Variants in CASZ1 observed in about 807,000 individuals in gnomAD.
CASZ1 encodes the protein castor zinc finger 1.
In CASZ1, 28 loss-of-function variants were observed where a neutral mutation model predicts 135.2. That is an observed-to-expected ratio of 0.21 (90% confidence interval 0.15 to 0.28). CASZ1 has a LOEUF of 0.28. Among genes scored for constraint, CASZ1 ranks in the 10% least tolerant of loss-of-function variants. The probability of loss-of-function intolerance (pLI) is 1.00; values close to 1 mark genes in which losing one functional copy is unlikely to be tolerated. For synonymous variants in CASZ1, 1,068 were observed against 1,073.4 expected (o/e 0.99, Z 0.10); for missense variants, 2,161 against 2,453.3 (o/e 0.88, Z 2.52).
intron 5 of CASZ1, chr1:10,660,921 G>T (rs887116466): frequency 8.2e-6 from 2 of 243,138 alleles, no homozygotes; most frequent in Admixed American, 1.0e-4. Flanking sequence ...TCCCAGGACA[G>T]GGAGCGGCAA....
At chr1:10,693,374 G>A (rs1390906360) in intron 4 of CASZ1, among the ~76,000 whole-genome samples, 3 of 151,174 alleles carry the variant, frequency 2.0e-5, no homozygotes, top group African/African-American at 4.9e-5. Flanking sequence ...TGAGACAGTC[G>A]CCCCGAAACC....
At chr1:10,678,993 C>T (rs1308940540) in intron 4 of CASZ1, among the ~76,000 whole-genome samples, 4 of 152,142 alleles carry the variant, frequency 2.6e-5, no homozygotes, top group South Asian at 2.1e-4. Context: ...CCCGTCTGCC[C>T]GCCCGCTGTG....
chr1:10,766,624 G>T (rs1330248861), intron 1 of CASZ1, among the ~76,000 whole-genome samples: 1 of 152,174 alleles, frequency 6.6e-6, no homozygotes, highest in East Asian at 1.9e-4. Flanking sequence ...GCCCCACAAA[G>T]CAGGTGCTGT....
At chr1:10,648,413 C>T (rs1194235303) in intron 15 of CASZ1, 7 of 393,898 alleles carry the variant, frequency 1.8e-5, no homozygotes, top group Non-Finnish European at 2.7e-5. Flanking sequence ...ATATGTGTGA[C>T]AGCAGGCCCT....
chr1:10,639,918 C>T lies in CASZ1; in HGVS notation c.4304G>A (p.Arg1435Gln), dbSNP rs752733658. The T allele has an allele frequency of 2.5e-6, 4 of 1,612,790 alleles. No individual in the cohort carries two copies. Among genetic ancestry groups the T allele is most frequent in the African/African-American group, 1.3e-5 (1 of 74,950 alleles). The stretch of plus-strand genomic sequence containing the variant: ...GCAGTCCTCGTAAAGGTCGAAGCGC[C>T]GGAAGCCCTCCAGCATCATGCCCTC... ...LDEGMMLEGFRRFDLYEDCKD... is the reference protein window; with the variant it reads ...LDEGMMLEGFQRFDLYEDCKD... Residue 1435 changes from arginine to glutamine, a missense_variant, in exon 21 of 21, where the codon CGG (arginine) becomes CAG (glutamine). Coordinates refer to ENST00000377022, the MANE Select transcript of CASZ1 (RefSeq NM_001079843.3). This position sits in a 1 kb window ranked among gnomAD's most constrained non-coding sequence, Gnocchi z 4.0.
chr1:10,728,761 G>C (rs999408433), intron 2 of CASZ1, among the ~76,000 whole-genome samples: 1 of 152,038 alleles, frequency 6.6e-6, no homozygotes, highest in Non-Finnish European at 1.5e-5. Flanking sequence ...CACATGAGAG[G>C]GGGGACAGCT....
chr1:10,783,397 T>C (rs1046834657), intron 1 of CASZ1, among the ~76,000 whole-genome samples: 1 of 149,242 alleles, frequency 6.7e-6, no homozygotes, highest in African/African-American at 2.6e-5. Context: ...GTCTTCCTTT[T>C]GCCCAAAGAA....
intron 4 of CASZ1, among the ~76,000 whole-genome samples, chr1:10,686,908 G>A (rs866687182): frequency 6.6e-5 from 10 of 152,194 alleles, no homozygotes; most frequent in African/African-American, 2.4e-5. Context: ...ACCCCCTGCC[G>A]GGCAGTGGAG....
In CASZ1 at chr1:10,739,339, G is replaced by A. The variant is rs563798122; in HGVS notation, c.-77+21362C>T. 9.2e-5 allele frequency among the ~76,000 whole-genome samples: 14 copies of A among 152,112 alleles called. No individual in the cohort carries two copies. Among genetic ancestry groups the A allele is most frequent in the Admixed American group, 1.3e-4 (2 of 15,278 alleles). On this transcript the variant is annotated intron_variant, in intron 2 of 20. Transcript: ENST00000377022. This position sits in a 1 kb window ranked among gnomAD's most constrained non-coding sequence, Gnocchi z 4.8. ...CATGTGCCACTCTGTGAGTGTCACC[G>A]CGAGGGAAACCCTCCCAGGGGCCCG... is the stretch of plus-strand genomic sequence containing the variant.
intron 2 of CASZ1, among the ~76,000 whole-genome samples, chr1:10,740,224 C>T (rs1311861082): frequency 6.6e-6 from 1 of 152,178 alleles, no homozygotes; most frequent in Non-Finnish European, 1.5e-5. Context: ...GGCTCAGTGT[C>T]GAGGCAAGGC....
At chr1:10,660,621 A>G (rs1642991431) in intron 5 of CASZ1, 85 bp from the exon 6 acceptor site, 1 of 1,106,072 alleles carries the variant, frequency 9.0e-7, no homozygotes, top group East Asian at 2.5e-5. Flanking sequence ...CCACCCATAG[A>G]GGGAGGGGGT....
chr1:10,664,752 G>A (rs1205082975), intron 5 of CASZ1, among the ~76,000 whole-genome samples: 1 of 152,030 alleles, frequency 6.6e-6, no homozygotes, highest in Non-Finnish European at 1.5e-5. Flanking sequence ...AGAGTCACCT[G>A]CCCACCATCT....
At chr1:10,740,760 G>A (rs1408352186) in intron 2 of CASZ1, among the ~76,000 whole-genome samples, 1 of 152,078 alleles carries the variant, frequency 6.6e-6, no homozygotes, top group East Asian at 1.9e-4. Flanking sequence ...ACCAGCCTGG[G>A]CAATACAGTG....
Position 10,694,383 on chromosome 1 carries a change from C to T in CASZ1, c.-23-471G>A. 2.0e-6 allele frequency: 2 copies of T among 1,023,370 alleles called. No homozygotes were observed. Among genetic ancestry groups the T allele is most frequent in the Non-Finnish European group, 2.5e-6 (2 of 805,730 alleles). The allele number at this position is 1,023,370 out of a possible 1,614,324, so 63.4% of individuals were successfully genotyped here. A position where few individuals can be genotyped will look rare whatever the true frequency, so the allele number is the denominator to read the frequency against. ...ATGCCTAATTGCAACTGATTACTCC[C>T]CGAATAACAAGTTGTTTTAAAGCCC... On this transcript the variant is annotated intron_variant, in intron 3 of 20. Transcript: ENST00000377022. This position sits in a 1 kb window ranked among gnomAD's most constrained non-coding sequence, Gnocchi z 6.6.
rs1173943418 is a variant in CASZ1 at position 10,699,980 on chromosome 1, AAG to A, written c.-24+5510_-24+5511del. On this transcript the variant is annotated intron_variant, in intron 3 of 20. Coordinates refer to ENST00000377022, the MANE Select transcript of CASZ1 (RefSeq NM_001079843.3). The surrounding 1 kb of genome is among the most constrained non-coding windows in gnomAD (Gnocchi z 4.6). ...AGAGAAGCAGAGACAGAGAGAGAGA[AAG>A]AGAGACAGGCAGAGAGAGAGAGAGA... 6.6e-6 allele frequency among the ~76,000 whole-genome samples: 1 copy of A among 151,312 alleles called. No individual in the cohort carries two copies. The highest frequency in any genetic ancestry group is 2.4e-5 in the African/African-American group (1 of 41,172).
intron 1 of CASZ1, among the ~76,000 whole-genome samples, chr1:10,793,731 CGGG>C (rs554222744): frequency 1.7e-5 from 2 of 121,202 alleles, no homozygotes; most frequent in African/African-American, 6.6e-5. Context: ...GGCGGGGGGG[CGGG>C]GCGGCGATCT....
rs752009704 is a variant in CASZ1, at chr1:10,653,661, G to A, written c.2396C>T (p.Thr799Met). The part of the protein sequence containing the change: ...ALSNSGLPTP[T>M]PYFPILAGRG... ...GCCAGCCAGTATGGGGAAGTAGGGCGTGGGGGTGGGCAGGCCCGAGTTGGA... is the reference window on the plus strand; with the variant it reads ...GCCAGCCAGTATGGGGAAGTAGGGCATGGGGGTGGGCAGGCCCGAGTTGGA... Residue 799 changes from threonine (T) to methionine (M), a missense_variant, in exon 11 of 21, where the codon ACG (threonine) becomes ATG (methionine). This residue lies in a region of CASZ1 where 406 missense variants were observed against 387.6 expected (regional missense o/e 1.05). Coordinates refer to ENST00000377022, the MANE Select transcript of CASZ1 (RefSeq NM_001079843.3). The A allele has an allele frequency of 3.0e-5, 47 of 1,556,366 alleles. No individual in the cohort carries two copies. Among genetic ancestry groups the A allele is most frequent in the East Asian group, 4.5e-5 (2 of 44,382 alleles).
At chr1:10,645,252 C>T (rs1159001181) in intron 17 of CASZ1, among the ~76,000 whole-genome samples, 164 bp from the exon 18 acceptor site, 3 of 152,210 alleles carry the variant, frequency 2.0e-5, no homozygotes, top group Admixed American at 2.0e-4. Flanking sequence ...AGCGCAGGGC[C>T]GGGCGCGGTG....
rs1010894006 is a variant in CASZ1, at chr1:10,700,665, C to G, written c.-24+4827G>C. 1.3e-5 allele frequency among the ~76,000 whole-genome samples: 2 copies of G among 152,286 alleles called. No homozygotes were observed. Among genetic ancestry groups the G allele is most frequent in the South Asian group, 4.1e-4 (2 of 4,828 alleles). Reference sequence around the variant, plus strand: ...ACCGCAGCTCCATCTTCTACAGGCTCTGCTCCCTGAACCCAGGCACTGACC... The same window carrying G: ...ACCGCAGCTCCATCTTCTACAGGCTGTGCTCCCTGAACCCAGGCACTGACC... On this transcript the variant is annotated intron_variant, in intron 3 of 20. Transcript: ENST00000377022. This position sits in a 1 kb window ranked among gnomAD's most constrained non-coding sequence, Gnocchi z 4.2.
Sources: gnomAD v4.1 joint callset for allele counts (sites outside exome capture counted in the v4.1 genomes callset) on GRCh38, gnomAD v4.1.1 for gene constraint, gnomAD v4.1.1 regional missense constraint, Gnocchi (gnomAD v3.1) non-coding constraint, MANE v1.5 for transcripts, NCBI Gene and HGNC (gene_info 2026-07-23, HGNC 2026-07-21) for gene names.